The following NOL8 variants were observed in gnomAD, a reference collection of about 807,000 sequenced individuals.
NOL8 encodes nucleolar protein 8.
NOL8 carries 93 observed loss-of-function variants against 116.1 expected under a neutral mutation model. That is an observed-to-expected ratio of 0.80 (90% CI 0.68 to 0.95). The LOEUF (loss-of-function observed/expected upper bound fraction) is 0.95. Among genes scored for constraint, NOL8 ranks in the 40% least tolerant of loss-of-function variants. The pLI is 0.00. For synonymous variants in NOL8, 419 were observed against 469.0 expected (o/e 0.89, Z 1.38); for missense variants, 1,291 against 1,382.8 (o/e 0.93, Z 1.05).
intron 7 of NOL8, 105 bp downstream of exon 7, chr9:92,314,162 G>T: frequency 7.3e-7 from 1 of 1,372,006 alleles, no homozygotes; most frequent in South Asian, 2.3e-5. Flanking sequence ...TGAAACTGGT[G>T]AACACCAAGA....
At position 92,301,749 on chromosome 9, in the gene NOL8, T is replaced by G. The variant is rs762432806; in HGVS notation, c.2977A>C (p.Ile993Leu). ...PEVSKEMYYN[I>L]AMDLKEIFQT... is the part of the protein sequence containing the mutation. Reference sequence around the variant, plus strand: ...AATATTTCTTTCAGATCCATAGCAATATTATAATACATTTCTTTAGACACC... The same window carrying G: ...AATATTTCTTTCAGATCCATAGCAAGATTATAATACATTTCTTTAGACACC... Residue 993 changes from isoleucine to leucine, a missense_variant, in exon 13 of 17, where the codon ATT becomes CTT. Transcript: ENST00000442668. 3 of 1,602,990 alleles carry G rather than the reference T, an allele frequency of 1.9e-6. No individual in the cohort carries two copies. Among genetic ancestry groups the G allele is most frequent in the Non-Finnish European group, 2.6e-6 (3 of 1,175,670 alleles).
intron 4 of NOL8, chr9:92,320,103 G>A (rs138752117): frequency 5.2e-4 from 239 of 456,042 alleles, no homozygotes; most frequent in African/African-American, 4.6e-3. Context: ...ATCTTTCGGA[G>A]CCCAATTTGT....
chr9:92,300,201 G>A (rs1463144998), intron 13 of NOL8, 185 bp from the exon 14 acceptor site: 9 of 1,254,912 alleles, frequency 7.2e-6, no homozygotes, highest in Admixed American at 3.7e-5. Context: ...AATATTTTCA[G>A]AAGCCACTAT....
At chr9:92,312,978 AAAGG>A (rs1452582666) in intron 7 of NOL8, among the ~76,000 whole-genome samples, 1 of 150,978 alleles carries the variant, frequency 6.6e-6, no homozygotes, top group Non-Finnish European at 1.5e-5. Context: ...AACCTAAAAT[AAAGG>A]AAGAAAAAAA....
chr9:92,298,196 T>G, intron 16 of NOL8, 61 bp downstream of exon 16: 1 of 1,289,594 alleles, frequency 7.8e-7, no homozygotes, highest in Non-Finnish European at 1.1e-6. Context: ...CTTCCAGGAC[T>G]GTAATTCTAG....
In NOL8 at chr9:92,310,176, T is replaced by C. The variant is rs1838640518; in HGVS notation, c.2681A>G (p.Gln894Arg). The change falls in exon 10 of 17, where the codon CAG (glutamine) becomes CGG (arginine). Residue 894 changes from glutamine to arginine, a missense_variant. Gln to Arg is a conservative substitution (Grantham distance 43, BLOSUM62 1). Transcript: ENST00000442668. The stretch of plus-strand genomic sequence containing the variant: ...CTGGACAATGAAGCATTTACCTTCC[T>C]GTTCCTCTTCACTGTCAGTTTCTAG... ...RFLETDSEEE[Q>R]EEVNEKKTAE... is the part of the protein sequence containing the mutation. 1 of 1,603,488 alleles carries C rather than the reference T, an allele frequency of 6.2e-7. No individual in the cohort carries two copies. Among genetic ancestry groups the C allele is most frequent in the Admixed American group, 1.7e-5 (1 of 58,570 alleles).
chr9:92,310,842 GC>G, intron 8 of NOL8, 167 bp from the exon 9 acceptor site: 1 of 693,152 alleles, frequency 1.4e-6, no homozygotes, highest in South Asian at 2.1e-5. Context: ...AATCTAACTG[GC>G]CTCTGGGATC....
At chr9:92,306,236 C>G (rs961196285) in intron 11 of NOL8, among the ~76,000 whole-genome samples, 2 of 152,114 alleles carry the variant, frequency 1.3e-5, no homozygotes, top group African/African-American at 4.8e-5. Flanking sequence ...TCAGGTGATC[C>G]GCCCACCTTA....
chr9:92,318,084 A>G (rs1224432548), intron 6 of NOL8, among the ~76,000 whole-genome samples: 1 of 151,630 alleles, frequency 6.6e-6, no homozygotes, highest in African/African-American at 2.4e-5. Flanking sequence ...ATACATTAAG[A>G]CACACTGCTC....
In NOL8 at chr9:92,321,365, C is replaced by T. The variant is rs202041562; in HGVS notation, c.281+303G>A. On this transcript the variant is annotated intron_variant, in intron 4 of 16. Coordinates refer to ENST00000442668, the MANE Select transcript of NOL8 (RefSeq NM_017948.6). ...TTATAAAGGGAGAAGATCTACATTG[C>T]CACAAAAGGGTGTGTTAACAAAGAG... Among the ~76,000 whole-genome samples, 11 of 152,192 alleles carry T rather than the reference C, an allele frequency of 7.2e-5. No individual in the cohort carries two copies. In the East Asian group the frequency reaches 2.1e-3, roughly 29 times the overall value.
intron 3 of NOL8, chr9:92,322,935 T>C (rs1840041957): frequency 6.5e-6 from 1 of 153,262 alleles, no homozygotes; most frequent in Non-Finnish European, 1.5e-5. Flanking sequence ...AACTAGAATA[T>C]GTTACTGTGT....
intron 12 of NOL8, among the ~76,000 whole-genome samples, chr9:92,305,459 T>C (rs574408263): frequency 1.3e-5 from 2 of 152,318 alleles, no homozygotes; most frequent in African/African-American, 4.8e-5. Context: ...GTAACTAAGT[T>C]TGTGGTAGCT....
intron 12 of NOL8, among the ~76,000 whole-genome samples, chr9:92,302,355 C>G (rs757935283): frequency 1.1e-4 from 16 of 152,132 alleles, no homozygotes; most frequent in Non-Finnish European, 1.9e-4. Context: ...TCTCTTTGAT[C>G]TGGGACAAAA....
rs901712378 is a variant in NOL8, at chr9:92,310,271, C to T, written c.2596-10G>A. The T allele has an allele frequency of 6.3e-7, 1 of 1,597,658 alleles. No individual in the cohort carries two copies. The highest frequency in any genetic ancestry group is 1.3e-5 in the African/African-American group (1 of 74,790). On this transcript the variant is annotated splice_polypyrimidine_tract_variant and intron_variant, in intron 9 of 16. Coordinates refer to ENST00000442668, the MANE Select transcript of NOL8 (RefSeq NM_017948.6). Reference sequence around the variant, plus strand: ...ACTGTAAATCCATGAGCTACACAGACAGAAAACATACATAATTGATAGCCA... The same window carrying T: ...ACTGTAAATCCATGAGCTACACAGATAGAAAACATACATAATTGATAGCCA...
chr9:92,301,191 T>C (rs975055357), intron 13 of NOL8, among the ~76,000 whole-genome samples: 3 of 152,260 alleles, frequency 2.0e-5, no homozygotes, highest in Admixed American at 1.3e-4. Flanking sequence ...ATCTTATATA[T>C]AGCACTAGTT....
At chr9:92,308,070 T>C (rs1838437652) in intron 10 of NOL8, among the ~76,000 whole-genome samples, 1 of 152,184 alleles carries the variant, frequency 6.6e-6, no homozygotes, top group African/African-American at 2.4e-5. Context: ...TGCTGCTTAC[T>C]TGAGACAAAA....
Position 92,318,604 on chromosome 9 carries a change from A to G in NOL8, c.486+14T>C. 6.4e-7 allele frequency: 1 copy of G among 1,563,876 alleles called. No individual in the cohort carries two copies. The highest frequency in any genetic ancestry group is 1.8e-5 in the Admixed American group (1 of 55,388). Reference sequence around the variant, plus strand: ...CACTGTGGTAAATAATTATGTTGAGAGGCCAAAGGATATTTTACGTTTATG... The same window carrying G: ...CACTGTGGTAAATAATTATGTTGAGGGGCCAAAGGATATTTTACGTTTATG... On this transcript the variant is annotated intron_variant, in intron 6 of 16. Coordinates refer to ENST00000442668, the MANE Select transcript of NOL8 (RefSeq NM_017948.6).
In NOL8 at chr9:92,301,611, C is replaced by A; in HGVS notation, c.3115G>T (p.Glu1039Ter). The change falls in exon 13 of 17, where the codon GAG (glutamate) becomes TAG (stop). Residue 1039 changes from glutamate (E) to a stop codon, truncating the protein, a stop_gained. Coordinates refer to ENST00000442668, the MANE Select transcript of NOL8 (RefSeq NM_017948.6). LOFTEE classifies it high-confidence loss of function. ...GAGAACGTGAACCCGCTGGGCTGCT[C>A]AGCGTCACTGGTCAGAGCTGCAGGG... The part of the protein sequence containing the change: ...QDPAALTSDA[E>*]QPSGFTFSFF... 1 of 1,608,832 alleles carries A rather than the reference C, an allele frequency of 6.2e-7. No individual in the cohort carries two copies. The highest frequency in any genetic ancestry group is 8.5e-7 in the Non-Finnish European group (1 of 1,178,210).
intron 14 of NOL8, among the ~76,000 whole-genome samples, chr9:92,299,159 C>T (rs985003824): frequency 6.6e-6 from 1 of 152,102 alleles, no homozygotes; most frequent in Admixed American, 6.5e-5. Flanking sequence ...TTAAAACAAC[C>T]CTCCCTCTAA....
Sources: gnomAD v4.1 joint callset for allele counts (sites outside exome capture counted in the v4.1 genomes callset) on GRCh38, gnomAD v4.1.1 for gene constraint, MANE v1.5 for transcripts, NCBI Gene and HGNC (gene_info 2026-07-23, HGNC 2026-07-21) for gene names.